Variants in OSBPL1A observed in about 807,000 individuals in gnomAD.
The protein encoded by OSBPL1A is oxysterol binding protein like 1A.
Under a neutral mutation model 137.1 loss-of-function variants are expected in OSBPL1A, and 80 were observed. The ratio of observed to expected loss-of-function variants is 0.58; its 90% CI spans 0.49 to 0.70. OSBPL1A has a LOEUF of 0.70. Among genes scored for constraint, OSBPL1A ranks in the 30% least tolerant of loss-of-function variants. The pLI is 0.00. For missense variants in OSBPL1A, 970 were observed against 1,129.4 expected (o/e 0.86, Z 2.02); for synonymous variants, 365 against 389.7 (o/e 0.94, Z 0.75).
At chr18:24,294,943 T>C (rs149452720) in intron 14 of OSBPL1A, among the ~76,000 whole-genome samples, 218 of 152,334 alleles carry the variant, frequency 1.4e-3, no homozygotes, top group African/African-American at 5.1e-3. Context: ...AGTGGGACTG[T>C]TGGATCAAAT....
rs192776322 is a variant in OSBPL1A at position 24,326,732 on chromosome 18, G to A, written c.625+6210C>T. 4.6e-5 allele frequency among the ~76,000 whole-genome samples: 7 copies of A among 152,268 alleles called. No homozygotes were observed. In the East Asian group the frequency reaches 7.7e-4, roughly 17 times the overall value. On this transcript the variant is annotated intron_variant, in intron 7 of 27. Transcript: ENST00000319481. ...AATATCATGAGATGACTGTGTATTCGTCTGTGAGTAATGTATAACTTTTCT... is the reference window on the plus strand; with the variant it reads ...AATATCATGAGATGACTGTGTATTCATCTGTGAGTAATGTATAACTTTTCT...
At chr18:24,216,005 T>C (rs2087685853) in intron 17 of OSBPL1A, among the ~76,000 whole-genome samples, 1 of 152,168 alleles carries the variant, frequency 6.6e-6, no homozygotes, top group Non-Finnish European at 1.5e-5. Context: ...AAACTTGAAA[T>C]AGAAATTGGA....
At position 24,216,101 on chromosome 18, in the gene OSBPL1A, C is replaced by G. The variant is rs531791870; in HGVS notation, c.1601+8941G>C. 2.0e-5 allele frequency among the ~76,000 whole-genome samples: 3 copies of G among 152,142 alleles called. No homozygotes were observed. The East Asian group carries it at 5.8e-4, about 29-fold the overall frequency. On this transcript the variant is annotated intron_variant, in intron 17 of 27. Coordinates refer to ENST00000319481, the MANE Select transcript of OSBPL1A (RefSeq NM_080597.4). ...AATGGGGAAAGTAGTATCAAGGGAC[C>G]CAGGTACAAATAACAGAGCTTACAG... is the stretch of plus-strand genomic sequence containing the variant.
intron 22 of OSBPL1A, among the ~76,000 whole-genome samples, chr18:24,171,812 T>C (rs1213912489): frequency 6.6e-6 from 1 of 152,156 alleles, no homozygotes; most frequent in Admixed American, 6.5e-5. Context: ...TGAGCTGAGA[T>C]TGGAATTAAG....
At chr18:24,347,206 T>C (rs2091360701) in intron 4 of OSBPL1A, among the ~76,000 whole-genome samples, 1 of 152,220 alleles carries the variant, frequency 6.6e-6, no homozygotes, top group Non-Finnish European at 1.5e-5. Flanking sequence ...GACATGAGTC[T>C]TGTTCCGTCA....
At position 24,290,769 on chromosome 18, in the gene OSBPL1A, G is replaced by A. The variant is rs138588630; in HGVS notation, c.1175-9821C>T. Among the ~76,000 whole-genome samples the A allele has an allele frequency of 1.1e-4, 17 of 152,226 alleles. No individual in the cohort carries two copies. In the East Asian group the frequency reaches 2.9e-3, roughly 26 times the overall value. On this transcript the variant is annotated intron_variant, in intron 14 of 27. Transcript: ENST00000319481. ...AGGCTTTACAGCTACATGAATGGAG[G>A]TATGTGGCTTTGGCCTCCCAAATCA...
At chr18:24,239,410 A>G in intron 15 of OSBPL1A, 28 bp from the exon 16 acceptor site, 1 of 1,599,754 alleles carries the variant, frequency 6.3e-7, no homozygotes, top group Non-Finnish European at 8.6e-7. Flanking sequence ...TACAGAAAAG[A>G]CTTCAGAGTG....
chr18:24,215,642 C>T (rs2087676203), intron 17 of OSBPL1A, among the ~76,000 whole-genome samples: 1 of 152,120 alleles, frequency 6.6e-6, no homozygotes, highest in Admixed American at 6.5e-5. Context: ...CGATTTTCTC[C>T]TTTAGGCAAA....
chr18:24,377,888 TAGAC>T (rs1906311031), intron 1 of OSBPL1A, among the ~76,000 whole-genome samples: 1 of 152,212 alleles, frequency 6.6e-6, no homozygotes, highest in Admixed American at 6.5e-5. Flanking sequence ...CATTAAAAAT[TAGAC>T]ATAAAAGGAA....
At chr18:24,193,793 T>C (rs1291772553) in intron 18 of OSBPL1A, among the ~76,000 whole-genome samples, 1 of 152,248 alleles carries the variant, frequency 6.6e-6, no homozygotes, top group African/African-American at 2.4e-5. Context: ...TCTAGAGATA[T>C]GATTCAGAAC....
At chr18:24,377,281 A>C (rs920871528) in intron 2 of OSBPL1A, 132 bp downstream of exon 2, 1 of 1,131,890 alleles carries the variant, frequency 8.8e-7, no homozygotes, top group African/African-American at 1.6e-5. Flanking sequence ...CATTTCCTCC[A>C]ATCTGTGGGG....
At chr18:24,166,518 A>G (rs1311166137) in intron 26 of OSBPL1A, 61 bp downstream of exon 26, 1 of 1,558,382 alleles carries the variant, frequency 6.4e-7, no homozygotes, top group East Asian at 2.3e-5. Context: ...ACCAGGAATA[A>G]ACAAAGCATC....
At position 24,368,319 on chromosome 18, in the gene OSBPL1A, CA is replaced by C. The variant is rs775360919; in HGVS notation, c.174del (p.Phe58LeufsTer11). On this transcript the variant is annotated frameshift_variant, in exon 3 of 28. Transcript: ENST00000319481. LOFTEE classifies it high-confidence loss of function. ...GWTPLHLACY[F>X]GHRQVVQDLL... Reference sequence around the variant, plus strand: ...AGATCCTGGACCACTTGTCTGTGTCCAAAATAGCATGCCAGATGTAGAGGTG... The same window carrying C: ...AGATCCTGGACCACTTGTCTGTGTCCAAATAGCATGCCAGATGTAGAGGTG... 2.6e-5 allele frequency: 42 copies of C among 1,613,274 alleles called. No homozygotes were observed. The African/African-American group carries it at 5.3e-4, about 21-fold the overall frequency.
chr18:24,325,025 G>C (rs1370984037), intron 7 of OSBPL1A, among the ~76,000 whole-genome samples: 2 of 151,946 alleles, frequency 1.3e-5, no homozygotes, highest in Non-Finnish European at 2.9e-5. Context: ...GGTGGACGTT[G>C]CAATGAGCCG....
In OSBPL1A at chr18:24,181,235, C is replaced by T. The variant is rs770044393; in HGVS notation, c.1722G>A (p.Leu574=). 6 of 1,614,122 alleles carry T rather than the reference C, an allele frequency of 3.7e-6. No homozygotes were observed. Among genetic ancestry groups the T allele is most frequent in the Non-Finnish European group, 5.1e-6 (6 of 1,180,034 alleles). ...ITMPVIFNEP[L]SFLQRLTEYM... ...ATTCAGTTAGGCGCTGTAGGAAGCT[C>T]AGAGGCTCATTAAATATAACTGGCA... Residue 574 remains leucine (L), a synonymous_variant, in exon 19 of 28, where the codon CTG becomes CTA. Coordinates refer to ENST00000319481, the MANE Select transcript of OSBPL1A (RefSeq NM_080597.4).
At chr18:24,272,099 G>T in intron 15 of OSBPL1A, 1 of 983,106 alleles carries the variant, frequency 1.0e-6, no homozygotes, top group Non-Finnish European at 1.2e-6. Context: ...AGGGACCGCC[G>T]GGGAAGCCTG....
intron 21 of OSBPL1A, among the ~76,000 whole-genome samples, chr18:24,173,568 A>T (rs1462504058): frequency 6.6e-6 from 1 of 152,016 alleles, no homozygotes; most frequent in Non-Finnish European, 1.5e-5. Context: ...ACGTGCCACC[A>T]TGCCCGGCTA....
At chr18:24,371,890 A>G (rs1259743753) in intron 2 of OSBPL1A, among the ~76,000 whole-genome samples, 1 of 152,176 alleles carries the variant, frequency 6.6e-6, no homozygotes, top group Non-Finnish European at 1.5e-5. Context: ...ACAGCCCTGT[A>G]CCCTGTGGGT....
chr18:24,388,997 T>A (rs1377072095), intron 1 of OSBPL1A, among the ~76,000 whole-genome samples: 1 of 152,212 alleles, frequency 6.6e-6, no homozygotes, highest in Non-Finnish European at 1.5e-5. Context: ...AGGAATCATC[T>A]AAATTCATAT....
Sources: gnomAD v4.1 joint callset for allele counts (sites outside exome capture counted in the v4.1 genomes callset) on GRCh38, gnomAD v4.1.1 for gene constraint, MANE v1.5 for transcripts, NCBI Gene and HGNC (gene_info 2026-07-23, HGNC 2026-07-21) for gene names.